GTF2IRD1: variants seen among roughly 807,000 people sequenced by gnomAD.
The protein encoded by GTF2IRD1 is GTF2I repeat domain containing 1, also known as general transcription factor II-I repeat domain-containing protein 1.
A neutral mutation model predicts 113.2 loss-of-function variants in GTF2IRD1; 26 were observed. The observed-to-expected ratio is 0.23, with a 90% CI of 0.17 to 0.32. GTF2IRD1 has a LOEUF of 0.32. GTF2IRD1 is among the 10% of genes least tolerant of loss of function. The probability of loss-of-function intolerance (pLI) is 1.00; values close to 1 mark genes in which losing one functional copy is unlikely to be tolerated. For missense variants in GTF2IRD1, 864 were observed against 1,280.8 expected (o/e 0.67, Z 4.97); for synonymous variants, 484 against 529.1 (o/e 0.91, Z 1.17).
chr7:74,574,805 C>CCGG (rs1243074609), intron 22 of GTF2IRD1, among the ~76,000 whole-genome samples: 2 of 151,432 alleles, frequency 1.3e-5, no homozygotes, highest in Non-Finnish European at 2.9e-5. Context: ...AAAAAAAAAC[C>CCGG]CGGCTGAGTG....
intron 3 of GTF2IRD1, 99 bp downstream of exon 3, chr7:74,513,070 C>A: frequency 2.5e-6 from 3 of 1,190,150 alleles, no homozygotes; most frequent in South Asian, 2.8e-5. Context: ...GCCAGGGTGG[C>A]GGTGTGTGGG....
intron 22 of GTF2IRD1, among the ~76,000 whole-genome samples, chr7:74,574,781 C>A (rs1382872551): frequency 1.3e-5 from 2 of 149,562 alleles, no homozygotes; most frequent in African/African-American, 2.5e-5. Flanking sequence ...TTTTAATCAA[C>A]ACTGATTAAA....
In GTF2IRD1 at chr7:74,591,139, T is replaced by C. The variant is rs587647267; in HGVS notation, c.2591+122T>C. The C allele has an allele frequency of 1.1e-5, 6 of 529,472 alleles. No individual in the cohort carries two copies. In the African/African-American group the frequency reaches 1.1e-4, roughly 10 times the overall value. The allele number at this position is 529,472 out of a possible 1,614,324, so 32.8% of individuals were successfully genotyped here. On this transcript the variant is annotated intron_variant, in intron 24 of 26. Transcript: ENST00000424337. ...GGTGTACTGTAATAGTTCCTGCCTCTTTCTCCTGAAACATACAACTTCAAC... is the reference window on the plus strand; with the variant it reads ...GGTGTACTGTAATAGTTCCTGCCTCCTTCTCCTGAAACATACAACTTCAAC...
intron 1 of GTF2IRD1, among the ~76,000 whole-genome samples, chr7:74,488,533 G>A (rs1795147204): frequency 1.3e-5 from 2 of 151,760 alleles, no homozygotes; most frequent in South Asian, 4.2e-4. Flanking sequence ...CAAGGCAGGA[G>A]GATTGCTTGA....
intron 22 of GTF2IRD1, among the ~76,000 whole-genome samples, chr7:74,576,584 C>T (rs2130908383): frequency 2.5e-5 from 3 of 118,696 alleles, no homozygotes; most frequent in Admixed American, 8.5e-5. Context: ...GCTGATCCTT[C>T]TGGAGGCTCT....
intron 19 of GTF2IRD1, among the ~76,000 whole-genome samples, chr7:74,556,788 T>TC (rs1799626015): frequency 8.8e-6 from 1 of 113,972 alleles, no homozygotes; most frequent in Non-Finnish European, 2.0e-5. Context: ...CATGCCTGGC[T>TC]AATTTTTGTA....
At chr7:74,540,579 A>T (rs1798573206) in intron 14 of GTF2IRD1, among the ~76,000 whole-genome samples, 1 of 151,914 alleles carries the variant, frequency 6.6e-6, no homozygotes, top group Non-Finnish European at 1.5e-5. Context: ...CTGGAGACAA[A>T]GCAGTGAACC....
chr7:74,519,613 C>T lies in GTF2IRD1; in HGVS notation c.810C>T (p.Leu270=), dbSNP rs1797146289. ...TCCCCAACCACGCCATCCGAGAGCT[C>T]AAGCAGGAAGCACCTTCCTGCCCCC... ...TALPNHAIRE[L]KQEAPSCPLA... The change falls in exon 6 of 27, where the codon CTC becomes CTT. Residue 270 remains leucine (L), a synonymous_variant. Transcript: ENST00000424337. The T allele has an allele frequency of 6.2e-7, 1 of 1,612,582 alleles. No homozygotes were observed. The highest frequency in any genetic ancestry group is 1.3e-5 in the African/African-American group (1 of 74,918).
At chr7:74,523,950 G>A (rs1797440777) in intron 7 of GTF2IRD1, 121 bp from the exon 8 acceptor site, 2 of 696,698 alleles carry the variant, frequency 2.9e-6, no homozygotes, top group Non-Finnish European at 5.2e-6. Flanking sequence ...AGGGTGGAAG[G>A]ACTGGGGGCT....
intron 19 of GTF2IRD1, 143 bp from the exon 20 acceptor site, chr7:74,557,496 T>C (rs1233961816): frequency 1.0e-5 from 6 of 601,132 alleles, no homozygotes; most frequent in Non-Finnish European, 1.2e-5. Context: ...ATGTCGGTGC[T>C]GAAGGACCTG....
chr7:74,572,924 G>T (rs782386773), intron 22 of GTF2IRD1, among the ~76,000 whole-genome samples: 16 of 152,118 alleles, frequency 1.1e-4, no homozygotes, highest in Non-Finnish European at 2.2e-4. Flanking sequence ...CCCTACTGCC[G>T]GGCCCAGAGT....
chr7:74,508,552 G>T (rs534531996), intron 2 of GTF2IRD1, among the ~76,000 whole-genome samples: 2 of 152,040 alleles, frequency 1.3e-5, no homozygotes, highest in Non-Finnish European at 2.9e-5. Context: ...TTAGCTGGGC[G>T]TGGTGGCATG....
chr7:74,517,828 C>T (rs587639941), intron 4 of GTF2IRD1, among the ~76,000 whole-genome samples: 1 of 139,726 alleles, frequency 7.2e-6, no homozygotes, highest in Non-Finnish European at 1.5e-5. Flanking sequence ...CCTCTGGGCC[C>T]TTGAGTCCCC....
chr7:74,561,013 C>T (rs587752446), intron 22 of GTF2IRD1, among the ~76,000 whole-genome samples: 5 of 152,170 alleles, frequency 3.3e-5, no homozygotes, highest in South Asian at 2.1e-4. Context: ...GCTGTCCCTG[C>T]GGGGCGACAT....
rs1173857719 is a variant in GTF2IRD1, at chr7:74,511,184, AG to A, written c.124-1643del. 3.3e-5 allele frequency among the ~76,000 whole-genome samples: 5 copies of A among 150,478 alleles called. No individual in the cohort carries two copies. In the East Asian group the frequency reaches 1.0e-3, roughly 31 times the overall value. ...GGCTCCCCCGTCCCTGGGCCTTTTAAGGGTTTCCTGAGGGACCCTATGGGTG... is the reference window on the plus strand; with the variant it reads ...GGCTCCCCCGTCCCTGGGCCTTTTAAGGTTTCCTGAGGGACCCTATGGGTG... On this transcript the variant is annotated intron_variant, in intron 2 of 26. Transcript: ENST00000424337.
Position 74,557,655 on chromosome 7 carries a change from G to T in GTF2IRD1, c.2040G>T (p.Arg680Ser), listed in dbSNP as rs782628282. The T allele has an allele frequency of 5.0e-6, 8 of 1,613,148 alleles. No individual in the cohort carries two copies. The highest frequency in any genetic ancestry group is 5.9e-6 in the Non-Finnish European group (7 of 1,179,392). Residue 680 changes from arginine to serine, a missense_variant, in exon 20 of 27, where the codon AGG becomes AGT. Physicochemically the swap from Arg to Ser is moderately radical, Grantham distance 110 (BLOSUM62 -1). This residue lies in a region of GTF2IRD1 where 195 missense variants were observed against 359.1 expected (regional missense o/e 0.54). Coordinates refer to ENST00000424337, the MANE Select transcript of GTF2IRD1 (RefSeq NM_005685.4). ...RQGFQENYDA[R>S]LSRIDIANTL... ...GCTTTGCAGAAAATTATGACGCGAG[G>T]CTCTCACGGATCGACATCGCCAACA...
intron 7 of GTF2IRD1, 125 bp from the exon 8 acceptor site, chr7:74,523,946 G>T: frequency 1.5e-6 from 1 of 686,608 alleles, no homozygotes. Flanking sequence ...GGAGAGGGTG[G>T]AAGGACTGGG....
chr7:74,546,858 G>A (rs1798975054), intron 16 of GTF2IRD1, among the ~76,000 whole-genome samples: 2 of 152,186 alleles, frequency 1.3e-5, no homozygotes, highest in South Asian at 4.1e-4. Context: ...GTAACCCTGG[G>A]TTGAGTTCCT....
At chr7:74,548,608 AT>A (rs1166960364) in intron 17 of GTF2IRD1, among the ~76,000 whole-genome samples, 13 of 148,700 alleles carry the variant, frequency 8.7e-5, no homozygotes, top group Admixed American at 1.3e-4. Context: ...TGTCACTATA[AT>A]TTTTTTTTTT....
Sources: gnomAD v4.1 joint callset for allele counts (sites outside exome capture counted in the v4.1 genomes callset) on GRCh38, gnomAD v4.1.1 for gene constraint, gnomAD v4.1.1 regional missense constraint, MANE v1.5 for transcripts, NCBI Gene and HGNC (gene_info 2026-07-23, HGNC 2026-07-21) for gene names.